RIMS2: variants seen among roughly 807,000 people sequenced by gnomAD.
RIMS2 encodes the protein regulating synaptic membrane exocytosis protein 2.
RIMS2 carries 59 observed loss-of-function variants against 174.4 expected under a neutral mutation model. The ratio of observed to expected loss-of-function variants is 0.34; its 90% CI spans 0.27 to 0.42. The LOEUF (loss-of-function observed/expected upper bound fraction) is 0.42, where lower values mean the gene tolerates loss of function less well. Ranked by LOEUF, RIMS2 falls within the 10% of genes least tolerant of loss-of-function variation. The probability of loss-of-function intolerance (pLI) is 1.00; values close to 1 mark genes in which losing one functional copy is unlikely to be tolerated. For missense variants in RIMS2, 1,620 were observed against 1,666.3 expected (o/e 0.97, Z 0.48); for synonymous variants, 606 against 572.5 (o/e 1.06, Z -0.84).
chr8:104,058,889 C>T (rs560704765), intron 19 of RIMS2, among the ~76,000 whole-genome samples: 5 of 152,052 alleles, frequency 3.3e-5, no homozygotes, highest in South Asian at 4.2e-4. Flanking sequence ...AGATATGCGG[C>T]GTTATTTCTG....
At chr8:104,004,517 GA>G (rs1378350003) in intron 17 of RIMS2, among the ~76,000 whole-genome samples, 15 of 149,952 alleles carry the variant, frequency 1.0e-4, no homozygotes, top group South Asian at 2.1e-4. Flanking sequence ...GGTGAGGGGG[GA>G]AAAAACAGGT....
At chr8:103,890,404 G>C (rs955454861) in intron 4 of RIMS2, among the ~76,000 whole-genome samples, 3 of 152,052 alleles carry the variant, frequency 2.0e-5, no homozygotes, top group African/African-American at 4.8e-5. Flanking sequence ...ATTGGATCCA[G>C]TGGAAAATGT....
chr8:103,944,672 C>G (rs180792750), intron 14 of RIMS2, among the ~76,000 whole-genome samples: 117 of 152,072 alleles, frequency 7.7e-4, no homozygotes, highest in Non-Finnish European at 1.4e-3. Flanking sequence ...TATCTTGTAG[C>G]TTTTAATATT....
At chr8:104,007,368 T>A (rs1271510930) in intron 17 of RIMS2, among the ~76,000 whole-genome samples, 2 of 152,158 alleles carry the variant, frequency 1.3e-5, no homozygotes, top group African/African-American at 4.8e-5. Flanking sequence ...TGTTCAGAAG[T>A]TTTTCTTATT....
rs556405049 is a variant in RIMS2 at position 104,031,260 on chromosome 8, T to G, written c.3334+16645T>G. Among the ~76,000 whole-genome samples the G allele has an allele frequency of 4.6e-5, 7 of 152,294 alleles. No homozygotes were observed. In the South Asian group the frequency reaches 1.4e-3, roughly 32 times the overall value. ...TGAATTTTCTCTTGATGTTTCAAAA[T>G]TTCTACATTGTAATTCTATATAAAC... is the stretch of plus-strand genomic sequence containing the variant. On this transcript the variant is annotated intron_variant, in intron 19 of 23. Coordinates refer to ENST00000504942, the Ensembl canonical transcript of RIMS2.
intron 19 of RIMS2, among the ~76,000 whole-genome samples, chr8:104,062,983 C>G (rs950157794): frequency 6.6e-6 from 1 of 151,704 alleles, no homozygotes; most frequent in African/African-American, 2.4e-5. Flanking sequence ...GAAGAAAAGC[C>G]TCAGATAATA....
intron 16 of RIMS2, 46 bp from the exon 19 acceptor site, chr8:103,989,259 G>C: frequency 9.0e-7 from 1 of 1,112,936 alleles, no homozygotes; most frequent in South Asian, 1.3e-5. Flanking sequence ...GTTTCTTAGT[G>C]TTTCAAATGG....
chr8:103,797,101 G>A lies in RIMS2; in HGVS notation c.698+30564G>A, dbSNP rs568165355. 3.3e-5 allele frequency among the ~76,000 whole-genome samples: 5 copies of A among 152,290 alleles called. No individual in the cohort carries two copies. In the South Asian group the frequency reaches 1.0e-3, roughly 32 times the overall value. On this transcript the variant is annotated intron_variant, in intron 3 of 23. Transcript: ENST00000504942. ...AGACGTGTGGATATCTGAGGGAAGA[G>A]CACTCTAGGCAGAGAAATAGCAAGT... is the stretch of plus-strand genomic sequence containing the variant.
chr8:103,705,823 T>A (rs2097218134), intron 2 of RIMS2, among the ~76,000 whole-genome samples: 1 of 151,882 alleles, frequency 6.6e-6, no homozygotes, highest in African/African-American at 2.4e-5. Context: ...CTAGGCAGCA[T>A]ATATTTGGAT....
intron 1 of RIMS2, among the ~76,000 whole-genome samples, chr8:103,607,073 G>A (rs1380211107): frequency 6.6e-6 from 1 of 152,054 alleles, no homozygotes; most frequent in East Asian, 1.9e-4. Flanking sequence ...TTGCTCGTTA[G>A]TTGATGCAGT....
intron 3 of RIMS2, among the ~76,000 whole-genome samples, chr8:103,813,412 C>CTTTCTTTCTTTCTTTCTTTCTTTCTTTA (rs542732882): frequency 8.6e-5 from 13 of 151,566 alleles, no homozygotes; most frequent in African/African-American, 3.2e-4. Flanking sequence ...TTCTTTCTTT[C>CTTTCTTTCTTTCTTTCTTTCTTTCTTTA]TTTATTATAC....
chr8:104,155,928 A>G (rs1039639550), intron 19 of RIMS2, among the ~76,000 whole-genome samples: 1 of 152,200 alleles, frequency 6.6e-6, no homozygotes, highest in East Asian at 1.9e-4. Context: ...GATGAATAAC[A>G]TATGGATTTA....
chr8:103,927,969 A>G (rs558450321), intron 11 of RIMS2: 7 of 1,159,652 alleles, frequency 6.0e-6, no homozygotes, highest in African/African-American at 3.1e-5. Flanking sequence ...CGTTAGTAGG[A>G]AAACTTTTTT....
chr8:104,107,402 TG>T (rs1439349270), intron 19 of RIMS2, among the ~76,000 whole-genome samples: 2 of 152,186 alleles, frequency 1.3e-5, no homozygotes, highest in East Asian at 1.9e-4. Context: ...TAATCTATCA[TG>T]GTTGATTAGT....
intron 3 of RIMS2, among the ~76,000 whole-genome samples, chr8:103,804,886 C>G (rs952439797): frequency 6.6e-6 from 1 of 151,872 alleles, no homozygotes; most frequent in Admixed American, 6.6e-5. Flanking sequence ...AACCCCTAGC[C>G]CCTGAGATCA....
intron 3 of RIMS2, among the ~76,000 whole-genome samples, chr8:103,872,464 A>G (rs1039865695): frequency 4.6e-5 from 7 of 152,342 alleles, no homozygotes; most frequent in African/African-American, 1.7e-4. Flanking sequence ...TATATGTAAC[A>G]TAGATCTCAT....
chr8:103,632,261 T>C (rs1235601213), intron 1 of RIMS2, among the ~76,000 whole-genome samples: 2 of 152,230 alleles, frequency 1.3e-5, no homozygotes, highest in African/African-American at 2.4e-5. Flanking sequence ...GGCTGTGGGT[T>C]TGTCATAGAT....
chr8:103,709,453 G>C (rs1282588878), intron 2 of RIMS2, among the ~76,000 whole-genome samples: 2 of 147,172 alleles, frequency 1.4e-5, no homozygotes, highest in Non-Finnish European at 3.0e-5. Context: ...GTAACTTCTT[G>C]AGCTTTCAGA....
intron 19 of RIMS2, among the ~76,000 whole-genome samples, chr8:104,087,276 A>G (rs2097551678): frequency 6.6e-6 from 1 of 152,090 alleles, no homozygotes; most frequent in Non-Finnish European, 1.5e-5. Flanking sequence ...AGATAATAAG[A>G]TTACTAAAAT....
Sources: allele counts gnomAD v4.1 joint callset (sites outside exome capture counted in the v4.1 genomes callset), GRCh38; gene constraint gnomAD v4.1.1; transcripts MANE v1.5; gene names NCBI Gene and HGNC (gene_info 2026-07-23, HGNC 2026-07-21).